Variants in LINGO2 observed in about 807,000 individuals in gnomAD.
LINGO2 encodes leucine rich repeat and Ig domain containing 2.
Under a neutral mutation model 30.6 loss-of-function variants are expected in LINGO2, and 14 were observed. That is an observed-to-expected ratio of 0.46 (90% CI 0.30 to 0.72). The LOEUF (loss-of-function observed/expected upper bound fraction) is 0.72, where lower values mean the gene tolerates loss of function less well. Among genes scored for constraint, LINGO2 ranks in the 30% least tolerant of loss-of-function variants. The probability of loss-of-function intolerance (pLI) is 0.07; values close to 1 mark genes in which losing one functional copy is unlikely to be tolerated. For synonymous variants in LINGO2, 317 were observed against 288.5 expected (o/e 1.10, Z -1.00); for missense variants, 729 against 751.7 (o/e 0.97, Z 0.35).
At chr9:28,406,037 T>C (rs1221518613) in intron 2 of LINGO2, among the ~76,000 whole-genome samples, 8 of 152,190 alleles carry the variant, frequency 5.3e-5, no homozygotes, top group African/African-American at 2.4e-5. Flanking sequence ...GCACTACCAA[T>C]GCATTCATAT....
chr9:28,676,871 C>T, the LINGO2 span, among the ~76,000 whole-genome samples: 2 of 152,074 alleles, frequency 1.3e-5, no homozygotes, highest in Admixed American at 1.3e-4. Flanking sequence ...TGAAATTCTC[C>T]TATGGCTACA....
At chr9:28,069,612 A>G (rs1347101076) in intron 4 of LINGO2, among the ~76,000 whole-genome samples, 1 of 152,150 alleles carries the variant, frequency 6.6e-6, no homozygotes, top group Non-Finnish European at 1.5e-5. Flanking sequence ...CCACTCCAAA[A>G]TGGAATTATA....
chr9:29,002,268 C>A, the LINGO2 span, among the ~76,000 whole-genome samples: 1 of 151,912 alleles, frequency 6.6e-6, no homozygotes, highest in East Asian at 1.9e-4. Context: ...GATTATATAT[C>A]CCAAGAAATG....
chr9:28,881,199 G>A, the LINGO2 span, among the ~76,000 whole-genome samples: 17 of 152,014 alleles, frequency 1.1e-4, no homozygotes, highest in African/African-American at 3.4e-4. Flanking sequence ...GTGTGGAGGG[G>A]CAGGCCACCC....
the LINGO2 span, among the ~76,000 whole-genome samples, chr9:28,752,071 G>A: frequency 6.6e-6 from 1 of 151,878 alleles, no homozygotes; most frequent in Non-Finnish European, 1.5e-5. Context: ...TTAGTAAAGT[G>A]GCCAGATATA....
chr9:28,888,015 G>A, the LINGO2 span, among the ~76,000 whole-genome samples: 25 of 152,064 alleles, frequency 1.6e-4, no homozygotes, highest in Non-Finnish European at 3.1e-4. Context: ...ACATTTTGAG[G>A]AATGTAGAAA....
intron 4 of LINGO2, among the ~76,000 whole-genome samples, chr9:28,194,964 G>A (rs72726929): frequency 0.049 from 7,374 of 152,000 alleles, 263 homozygotes; most frequent in Middle Eastern, 0.12. Context: ...CATATTAGTA[G>A]TAGAGGATTT....
At chr9:29,195,285 G>A in the LINGO2 span, among the ~76,000 whole-genome samples, 3 of 151,938 alleles carry the variant, frequency 2.0e-5, no homozygotes, top group African/African-American at 7.2e-5. Context: ...ACATTTTATT[G>A]ATTTTATTGT....
At chr9:28,106,677 G>C (rs7022206) in intron 4 of LINGO2, among the ~76,000 whole-genome samples, 25,570 of 152,054 alleles carry the variant, frequency 0.17, 2,402 homozygotes, top group African/African-American at 0.26. Context: ...TTGCCCAGAA[G>C]TACCACAGTG....
At chr9:28,497,030 A>T (rs1157010367) in intron 1 of LINGO2, among the ~76,000 whole-genome samples, 2 of 152,180 alleles carry the variant, frequency 1.3e-5, no homozygotes, top group Non-Finnish European at 2.9e-5. Context: ...AGAGATCCGC[A>T]GCTAGTCTGC....
chr9:28,028,565 C>T (rs1038719486), intron 4 of LINGO2, among the ~76,000 whole-genome samples: 13 of 151,960 alleles, frequency 8.6e-5, no homozygotes, highest in Non-Finnish European at 1.9e-4. Flanking sequence ...TTGATGTATC[C>T]AGGGGGTTGT....
At chr9:28,491,180 A>G (rs1487531084) in intron 1 of LINGO2, among the ~76,000 whole-genome samples, 1 of 152,196 alleles carries the variant, frequency 6.6e-6, no homozygotes, top group Non-Finnish European at 1.5e-5. Context: ...GAAGTCTGAA[A>G]TGAGTCTTAT....
chr9:28,975,360 A>C, the LINGO2 span, among the ~76,000 whole-genome samples: 1 of 152,238 alleles, frequency 6.6e-6, no homozygotes, highest in African/African-American at 2.4e-5. Context: ...GTAGTGACTC[A>C]GATGGTTAAT....
chr9:28,632,139 G>C (rs1196400451), intron 1 of LINGO2, among the ~76,000 whole-genome samples: 1 of 152,028 alleles, frequency 6.6e-6, no homozygotes. Context: ...TAATCAAGTG[G>C]GGAAGAAGTA....
chr9:28,306,626 T>C (rs994280821), intron 3 of LINGO2, among the ~76,000 whole-genome samples: 2 of 151,916 alleles, frequency 1.3e-5, no homozygotes, highest in African/African-American at 4.8e-5. Context: ...TTCAAAAAAC[T>C]AATGAATCCA....
At chr9:27,993,620 A>G (rs981964333) in intron 5 of LINGO2, among the ~76,000 whole-genome samples, 3 of 152,184 alleles carry the variant, frequency 2.0e-5, no homozygotes, top group African/African-American at 7.2e-5. Flanking sequence ...TTAAATGGAT[A>G]TATTTTCCTC....
At chr9:28,018,817 T>C (rs1210122874) in intron 4 of LINGO2, among the ~76,000 whole-genome samples, 1 of 152,160 alleles carries the variant, frequency 6.6e-6, no homozygotes, top group Non-Finnish European at 1.5e-5. Context: ...AATTACCATT[T>C]GACCCAGCAA....
intron 2 of LINGO2, among the ~76,000 whole-genome samples, chr9:28,458,964 A>C (rs1488347189): frequency 1.0e-5 from 1 of 97,170 alleles, no homozygotes; most frequent in Non-Finnish European, 2.0e-5. Flanking sequence ...AGGTATATAG[A>C]GCCCAAATGT....
chr9:28,861,632 G>A, the LINGO2 span, among the ~76,000 whole-genome samples: 1 of 151,660 alleles, frequency 6.6e-6, no homozygotes, highest in African/African-American at 2.4e-5. Context: ...GGGCATGGTG[G>A]CAGGCACTGT....
Sources: allele counts gnomAD v4.1 joint callset (sites outside exome capture counted in the v4.1 genomes callset), GRCh38; gene constraint gnomAD v4.1.1; transcripts MANE v1.5; gene names NCBI Gene and HGNC (gene_info 2026-07-23, HGNC 2026-07-21).